APOLD1: variants seen among roughly 807,000 people sequenced by gnomAD.
The protein encoded by APOLD1 is apolipoprotein L domain containing 1, also known as apolipoprotein L domain-containing protein 1.
APOLD1 carries 22 observed loss-of-function variants against 15.3 expected under a neutral mutation model. That is an observed-to-expected ratio of 1.44 (90% CI 1.03 to 2.05). The LOEUF is 2.05. Among genes scored for constraint, APOLD1 ranks in the 30% most tolerant of loss-of-function variants. The pLI is 0.00. For missense variants in APOLD1, 394 were observed against 353.5 expected (o/e 1.11, Z -0.92); for synonymous variants, 190 against 167.4 (o/e 1.13, Z -1.04).
At position 12,746,510 on chromosome 12, in the gene APOLD1, A is replaced by AATACATAAATAC. The variant is rs1555089063; in HGVS notation, c.96+20417_96+20418insCATAAATACATA. Among the ~76,000 whole-genome samples, 454 of 149,952 alleles carry AATACATAAATAC rather than the reference A, an allele frequency of 3.0e-3. 3 individuals carry two copies. Among genetic ancestry groups the AATACATAAATAC allele is most frequent in the Middle Eastern group, 0.014 (4 of 294 alleles). On this transcript the variant is annotated intron_variant, in intron 1 of 1. Transcript: ENST00000326765. ...AAACTCCATCTCAAATAAATAAATA[A>AATACATAAATAC]ATAAATACATAAATACATACATACA...
chr12:12,737,204 A>G (rs542902101), intron 1 of APOLD1, among the ~76,000 whole-genome samples: 137 of 133,270 alleles, frequency 1.0e-3, no homozygotes, highest in African/African-American at 3.2e-3. Context: ...AAAGGATAAT[A>G]GAAATAAACA....
Position 12,788,038 on chromosome 12 carries a change from C to G in APOLD1, c.*386C>G, listed in dbSNP as rs758689609. On this transcript the variant is annotated 3_prime_UTR_variant, in exon 2 of 2. Transcript: ENST00000356591. ...CCATCCTCTGGGTCCTCTCCAAGTCCTACTAGTCTTTGAAGTCCTCAAAAT... is the reference window on the plus strand; with the variant it reads ...CCATCCTCTGGGTCCTCTCCAAGTCGTACTAGTCTTTGAAGTCCTCAAAAT... The G allele has an allele frequency of 4.8e-5, 9 of 186,404 alleles. No individual in the cohort carries two copies. The highest frequency in any genetic ancestry group is 1.0e-4 in the Non-Finnish European group (9 of 90,168). 11.5% of individuals were successfully genotyped at this position (186,404 alleles called of 1,614,324 possible). A position where few individuals can be genotyped will look rare whatever the true frequency, so the allele number is the denominator to read the frequency against.
chr12:12,777,518 T>C (rs1947045396), intron 1 of APOLD1, among the ~76,000 whole-genome samples: 2 of 152,238 alleles, frequency 1.3e-5, no homozygotes, highest in African/African-American at 2.4e-5. Flanking sequence ...GAGTATTCCT[T>C]AACCAAAAGG....
At chr12:12,751,221 G>A (rs1433724084) in intron 1 of APOLD1, among the ~76,000 whole-genome samples, 1 of 152,134 alleles carries the variant, frequency 6.6e-6, no homozygotes, top group Non-Finnish European at 1.5e-5. Context: ...ATGAAGGTGG[G>A]GCAAGGATGG....
At chr12:12,781,335 T>A (rs1018368500), upstream of APOLD1, among the ~76,000 whole-genome samples, 1 of 151,818 alleles carries the variant, frequency 6.6e-6, no homozygotes, top group Admixed American at 6.6e-5. Flanking sequence ...TCCCAGCTAC[T>A]TGGGAGGCTG....
intron 1 of APOLD1, chr12:12,771,525 T>A: frequency 1.9e-6 from 1 of 514,112 alleles, no homozygotes; most frequent in Non-Finnish European, 3.9e-6. Context: ...TATCTCATTT[T>A]GTCCATCCAA....
At chr12:12,764,886 C>G (rs192425161) in intron 1 of APOLD1, 57 of 176,536 alleles carry the variant, frequency 3.2e-4, no homozygotes, top group Non-Finnish European at 1.4e-4. Flanking sequence ...TGGCTTAATG[C>G]AATAAAGATT....
chr12:12,751,328 A>G (rs984468512), intron 1 of APOLD1, among the ~76,000 whole-genome samples: 1 of 152,098 alleles, frequency 6.6e-6, no homozygotes, highest in Non-Finnish European at 1.5e-5. Context: ...GAGAAAAAAC[A>G]TCGAGAGAAT....
chr12:12,786,701 C>G, intron 1 of APOLD1: 1 of 985,424 alleles, frequency 1.0e-6, no homozygotes, highest in Non-Finnish European at 1.2e-6. Flanking sequence ...GAGATAAGGT[C>G]CTGAGAACTT....
chr12:12,783,347 G>A (rs932211312), upstream of APOLD1, among the ~76,000 whole-genome samples: 12 of 152,234 alleles, frequency 7.9e-5, no homozygotes, highest in Non-Finnish European at 1.6e-4. Flanking sequence ...GTTTTACTCC[G>A]TTACCCAGGC....
chr12:12,789,312 CT>C lies in APOLD1; in HGVS notation c.*1665del. 6.6e-6 allele frequency: 1 copy of C among 152,256 alleles called. No homozygotes were observed. The highest frequency in any genetic ancestry group is 1.5e-5 in the Non-Finnish European group (1 of 68,012). 9.4% of individuals were successfully genotyped at this position (152,256 alleles called of 1,614,324 possible). Reference sequence around the variant, plus strand: ...ATTGTCTCTCTCCTTCAGGGAGATTCTTTTTCTCTAGTGTTTTAAGTGATCC... The same window carrying C: ...ATTGTCTCTCTCCTTCAGGGAGATTCTTTTCTCTAGTGTTTTAAGTGATCC... On this transcript the variant is annotated 3_prime_UTR_variant, in exon 2 of 2. Transcript: ENST00000356591.
upstream of APOLD1, among the ~76,000 whole-genome samples, chr12:12,781,057 G>T (rs554061861): frequency 3.9e-5 from 6 of 152,152 alleles, no homozygotes; most frequent in African/African-American, 1.4e-4. Flanking sequence ...ATTGTGAATA[G>T]CAAAATACTG....
At chr12:12,783,720 A>C (rs1233353496), upstream of APOLD1, among the ~76,000 whole-genome samples, 1 of 137,194 alleles carries the variant, frequency 7.3e-6, no homozygotes, top group Non-Finnish European at 1.6e-5. Flanking sequence ...TGCAGCCTTG[A>C]CCTCCTGGGT....
chr12:12,749,665 C>T (rs971277791), intron 1 of APOLD1, among the ~76,000 whole-genome samples: 1 of 152,162 alleles, frequency 6.6e-6, no homozygotes, highest in Non-Finnish European at 1.5e-5. Flanking sequence ...CTGCGGACCA[C>T]CACTTTATTT....
rs1947157077 is a variant in APOLD1, at chr12:12,788,901, A to C, written c.*1249A>C. ...CCAGAAGCCAAAATGAGAGAGAGAGAGAGAGAGCACGCGTACGTGCACCCT... is the reference window on the plus strand; with the variant it reads ...CCAGAAGCCAAAATGAGAGAGAGAGCGAGAGAGCACGCGTACGTGCACCCT... On this transcript the variant is annotated 3_prime_UTR_variant, in exon 2 of 2. Coordinates refer to ENST00000356591, the MANE Select transcript of APOLD1 (RefSeq NM_030817.3). 6.6e-6 allele frequency: 1 copy of C among 152,176 alleles called. No homozygotes were observed. The highest frequency in any genetic ancestry group is 1.5e-5 in the Non-Finnish European group (1 of 68,038). The allele number at this position is 152,176 out of a possible 1,614,324, so 9.4% of individuals were successfully genotyped here. A position where few individuals can be genotyped will look rare whatever the true frequency, so the allele number is the denominator to read the frequency against.
chr12:12,774,544 T>A, intron 1 of APOLD1, among the ~76,000 whole-genome samples: 1 of 22,884 alleles, frequency 4.4e-5, no homozygotes, highest in East Asian at 1.3e-3. Flanking sequence ...AGACTCTAAC[T>A]CCAAAAAAAA....
chr12:12,781,526 C>CTT (rs774609531), upstream of APOLD1, among the ~76,000 whole-genome samples: 35 of 138,824 alleles, frequency 2.5e-4, no homozygotes, highest in African/African-American at 3.7e-4. Context: ...ATCACTTTAT[C>CTT]TTTTTTTTTT....
intron 1 of APOLD1, among the ~76,000 whole-genome samples, chr12:12,729,233 TAA>T (rs543224216): frequency 6.8e-6 from 1 of 146,094 alleles, no homozygotes; most frequent in African/African-American, 2.5e-5. Flanking sequence ...CTGTCGGCAT[TAA>T]AAAAAAAAAT....
intron 1 of APOLD1, among the ~76,000 whole-genome samples, chr12:12,776,377 G>GAC (rs915832665): frequency 2.0e-5 from 3 of 152,220 alleles, no homozygotes; most frequent in African/African-American, 4.8e-5. Context: ...CTAAGCCTGA[G>GAC]AAAGGGCCAG....
Sources: allele counts gnomAD v4.1 joint callset (sites outside exome capture counted in the v4.1 genomes callset), GRCh38; gene constraint gnomAD v4.1.1; transcripts MANE v1.5; gene names NCBI Gene and HGNC (gene_info 2026-07-23, HGNC 2026-07-21).